FAM149A: variants seen among roughly 807,000 people sequenced by gnomAD.
FAM149A encodes the protein protein FAM149A.
A neutral mutation model predicts 78.2 loss-of-function variants in FAM149A; 71 were observed. The observed-to-expected ratio is 0.91, with a 90% CI of 0.75 to 1.11. The LOEUF (loss-of-function observed/expected upper bound fraction) is 1.11. Among genes scored for constraint, FAM149A ranks in the 50% least tolerant of loss-of-function variants. FAM149A has a pLI of 0.00. For missense variants in FAM149A, 1,036 were observed against 971.0 expected (o/e 1.07, Z -0.89); for synonymous variants, 446 against 410.5 (o/e 1.09, Z -1.04).
chr4:186,127,662 G>T, intron 1 of FAM149A: 2 of 985,404 alleles, frequency 2.0e-6, no homozygotes, highest in Non-Finnish European at 2.4e-6. Context: ...GTGTGTGAAA[G>T]AGGTAGTCTG....
chr4:186,126,853 C>T, intron 1 of FAM149A: 1 of 981,624 alleles, frequency 1.0e-6, no homozygotes, highest in Non-Finnish European at 1.2e-6. Context: ...GGTTCTGTTT[C>T]TCTGGAGAAC....
At chr4:186,137,458 G>A (rs554550877) in intron 1 of FAM149A, among the ~76,000 whole-genome samples, 69 of 152,108 alleles carry the variant, frequency 4.5e-4, no homozygotes, top group Admixed American at 9.8e-4. Context: ...TCGGCTGTGC[G>A]TACCACCTAC....
intron 10 of FAM149A, 38 bp downstream of exon 10, chr4:186,163,671 G>A (rs779919307): frequency 1.0e-5 from 15 of 1,481,290 alleles, no homozygotes; most frequent in Middle Eastern, 1.7e-4. Context: ...TAAAGGCCAC[G>A]GAGGACCTAG....
At chr4:186,169,177 T>C (rs1735321896) in intron 13 of FAM149A, 1 of 983,556 alleles carries the variant, frequency 1.0e-6, no homozygotes, top group African/African-American at 1.7e-5. Flanking sequence ...AAATGCCAAG[T>C]CAGTGTATTC....
chr4:186,136,964 T>TTCTCTC lies in FAM149A; in HGVS notation c.567-12203_567-12198dup, dbSNP rs1386094089. On this transcript the variant is annotated intron_variant, in intron 1 of 13. Coordinates refer to ENST00000389354, the MANE Select transcript of FAM149A (RefSeq NM_001367768.3). ...TCTCTCTCTCTCTCTCTCTCTCTCTTTCTCTCTCTCTTTCTCTCTCTCTCT... is the reference window on the plus strand; with the variant it reads ...TCTCTCTCTCTCTCTCTCTCTCTCTTTCTCTCTCTCTCTCTCTTTCTCTCTCTCTCT... 1.4e-4 allele frequency among the ~76,000 whole-genome samples: 14 copies of TTCTCTC among 97,110 alleles called. No individual in the cohort carries two copies. In the South Asian group the frequency reaches 1.5e-3, roughly 10 times the overall value. 63.7% of individuals were successfully genotyped at this position (97,110 alleles called of 152,430 possible).
chr4:186,165,247 A>G, intron 10 of FAM149A, 97 bp from the exon 11 acceptor site: 1 of 1,378,622 alleles, frequency 7.3e-7, no homozygotes. Context: ...TGTGCCCCTC[A>G]CGCAGAAACA....
intron 1 of FAM149A, chr4:186,126,099 A>G: frequency 1.0e-6 from 1 of 985,292 alleles, no homozygotes; most frequent in Non-Finnish European, 1.2e-6. Context: ...ATATTTGAAA[A>G]TTATTTCCAC....
intron 1 of FAM149A, among the ~76,000 whole-genome samples, chr4:186,134,011 C>T (rs141588408): frequency 3.5e-4 from 53 of 152,310 alleles, no homozygotes; most frequent in Non-Finnish European, 6.2e-4. Context: ...TTGCTGGATC[C>T]TATGGTAATT....
chr4:186,153,717 C>T lies in FAM149A; in HGVS notation c.1005C>T (p.Ser335=), dbSNP rs775735035. 40 of 1,613,964 alleles carry T rather than the reference C, an allele frequency of 2.5e-5. No individual in the cohort carries two copies. The East Asian group carries it at 2.9e-4, about 12-fold the overall frequency. ...ATTTCCAGGGCAGCACTCCTGCCTC[C>T]GCAGTCCACAGACCCCCGCTCAGTG... Residue 335 remains serine (S), a synonymous_variant, in exon 5 of 14, where the codon TCC becomes TCT. Coordinates refer to ENST00000389354, the MANE Select transcript of FAM149A (RefSeq NM_001367768.3).
chr4:186,129,800 T>C (rs943178886), intron 1 of FAM149A, among the ~76,000 whole-genome samples: 1 of 152,202 alleles, frequency 6.6e-6, no homozygotes, highest in Non-Finnish European at 1.5e-5. Context: ...GAAAGAAATG[T>C]TAAAAATAAA....
At chr4:186,150,413 C>CTTTTTTTTTTT (rs750482571) in intron 3 of FAM149A, among the ~76,000 whole-genome samples, 1 of 84,290 alleles carries the variant, frequency 1.2e-5, no homozygotes, top group African/African-American at 6.0e-5. Context: ...CTCTCTGTCT[C>CTTTTTTTTTTT]TTTTTTTTTT....
Position 186,145,389 on chromosome 4 carries a change from C to A in FAM149A, c.567-3784C>A, listed in dbSNP as rs527324367. Among the ~76,000 whole-genome samples the A allele has an allele frequency of 3.9e-5, 6 of 152,258 alleles. No homozygotes were observed. The East Asian group carries it at 1.2e-3, about 29-fold the overall frequency. ...GGCTTCCCATGGCCACCCTGGAGTG[C>A]CCCTGTGTGTCCCCCCATCCAGAAA... is the stretch of plus-strand genomic sequence containing the variant. On this transcript the variant is annotated intron_variant, in intron 1 of 13. Coordinates refer to ENST00000389354, the MANE Select transcript of FAM149A (RefSeq NM_001367768.3).
chr4:186,151,921 TCA>T lies in FAM149A; in HGVS notation c.811_812del (p.Gln271ValfsTer15), dbSNP rs766076273. The T allele has an allele frequency of 7.4e-6, 12 of 1,614,026 alleles. No homozygotes were observed. The highest frequency in any genetic ancestry group is 1.0e-5 in the Non-Finnish European group (12 of 1,179,998). On this transcript the variant is annotated frameshift_variant, in exon 4 of 14. Coordinates refer to ENST00000389354, the MANE Select transcript of FAM149A (RefSeq NM_001367768.3). LOFTEE classifies it high-confidence loss of function. ...TGTTTAGGAATTTGACGAAGCCAGT[TCA>T]CAGTCAGTGCAGCGGTTACTCTGGG...
chr4:186,105,171 G>A lies in FAM149A; in HGVS notation c.95G>A (p.Gly32Glu). Residue 32 changes from glycine (G) to glutamate (E), a missense_variant, in exon 1 of 14, where the codon GGA becomes GAA. Physicochemically the swap from Gly to Glu is moderately conservative, Grantham distance 98. Coordinates refer to ENST00000389354, the MANE Select transcript of FAM149A (RefSeq NM_001367768.3). ...GCAGGCCCCTCCTCCAGACCCTCGGGAGGTGCTGCCGCTGCAGGGTCGGGG... is the reference window on the plus strand; with the variant it reads ...GCAGGCCCCTCCTCCAGACCCTCGGAAGGTGCTGCCGCTGCAGGGTCGGGG... 7.8e-7 allele frequency: 1 copy of A among 1,277,490 alleles called. No individual in the cohort carries two copies. The highest frequency in any genetic ancestry group is 1.2e-5 in the South Asian group (1 of 80,488). The allele number at this position is 1,277,490 out of a possible 1,614,324, so 79.1% of individuals were successfully genotyped here.
In FAM149A at chr4:186,173,907, G is replaced by C. The variant is rs1401535745; in HGVS notation, c.*1920G>C. Among the ~76,000 whole-genome samples the C allele has an allele frequency of 9.0e-6, 1 of 111,576 alleles. No homozygotes were observed. The highest frequency in any genetic ancestry group is 2.2e-4 in the East Asian group (1 of 4,464). The allele number at this position is 111,576 out of a possible 152,430, so 73.2% of individuals were successfully genotyped here. On this transcript the variant is annotated 3_prime_UTR_variant, in exon 14 of 14. Coordinates refer to ENST00000389354, the MANE Select transcript of FAM149A (RefSeq NM_001367768.3). The stretch of plus-strand genomic sequence containing the variant: ...TTAATTCAGCAGCTCTCCCACTTGA[G>C]GAATAGTTAGATATGTGAGTAGCCT...
Position 186,170,589 on chromosome 4 carries a change from G to A in FAM149A, c.2219-1325G>A, listed in dbSNP as rs955485853. 7.9e-5 allele frequency among the ~76,000 whole-genome samples: 12 copies of A among 152,304 alleles called. No homozygotes were observed. The South Asian group carries it at 1.7e-3, about 21-fold the overall frequency. On this transcript the variant is annotated intron_variant, in intron 13 of 13. Transcript: ENST00000389354. Reference sequence around the variant, plus strand: ...GAGGAATGGCCAAGCCAAGGCACTCGGGACCAGCACTGAGCAGCCTGGTGA... The same window carrying A: ...GAGGAATGGCCAAGCCAAGGCACTCAGGACCAGCACTGAGCAGCCTGGTGA...
chr4:186,150,363 TTG>T (rs1733387614), intron 3 of FAM149A, among the ~76,000 whole-genome samples: 2 of 134,730 alleles, frequency 1.5e-5, no homozygotes, highest in Non-Finnish European at 3.0e-5. Flanking sequence ...GGGTGTTTTG[TTG>T]TTGTTGTTGT....
At chr4:186,118,531 A>G (rs1393602029) in intron 1 of FAM149A, among the ~76,000 whole-genome samples, 1 of 152,170 alleles carries the variant, frequency 6.6e-6, no homozygotes, top group Non-Finnish European at 1.5e-5. Flanking sequence ...CATACAATAA[A>G]TTGGAAAAAT....
chr4:186,124,912 C>A (rs1473586539), intron 1 of FAM149A, among the ~76,000 whole-genome samples: 1 of 152,172 alleles, frequency 6.6e-6, no homozygotes, highest in Non-Finnish European at 1.5e-5. Flanking sequence ...TCTCCACATC[C>A]TCTCCAGCAC....
Sources: allele counts gnomAD v4.1 joint callset (sites outside exome capture counted in the v4.1 genomes callset), GRCh38; gene constraint gnomAD v4.1.1; transcripts MANE v1.5; gene names NCBI Gene and HGNC (gene_info 2026-07-23, HGNC 2026-07-21).